The following SLC25A53 variants were observed in gnomAD, a reference collection of about 807,000 sequenced individuals.
SLC25A53 encodes the protein solute carrier family 25 member 53.
In SLC25A53, 5 loss-of-function variants were observed where a neutral mutation model predicts 15.0. That is an observed-to-expected ratio of 0.33 (90% CI 0.17 to 0.70). SLC25A53 has a LOEUF of 0.70. SLC25A53 is among the 30% of genes least tolerant of loss of function. SLC25A53 has a pLI of 0.67. For missense variants in SLC25A53, 216 were observed against 241.6 expected, an observed-to-expected ratio of 0.89 and a Z score of 0.70; for synonymous variants, 95 against 100.0, an observed-to-expected ratio of 0.95 and a Z score of 0.30.
intron 1 of SLC25A53, among the ~76,000 whole-genome samples, chrX:104,106,065 T>C (rs1330489385): frequency 7.2e-5 from 8 of 111,865 alleles, no homozygotes; most frequent in Non-Finnish European, 1.5e-4. Context: ...TTCGGCTCAC[T>C]GCGTGCCAGT....
intron 1 of SLC25A53, among the ~76,000 whole-genome samples, chrX:104,120,202 C>A (rs1377599390): frequency 8.9e-6 from 1 of 111,787 alleles, no homozygotes; most frequent in Non-Finnish European, 1.9e-5. Flanking sequence ...TCTCCTGGTA[C>A]ATATGTGCAC....
At position 104,102,534 on chromosome X, in the gene SLC25A53, A is replaced by C. The variant is rs191254476; in HGVS notation, c.*1800T>G. ...TTAGCACAAAACTAAATCAATTATTAAAAGAAAGCAAAAACACAGCCCAAA... is the reference window on the plus strand; with the variant it reads ...TTAGCACAAAACTAAATCAATTATTCAAAGAAAGCAAAAACACAGCCCAAA... On this transcript the variant is annotated 3_prime_UTR_variant, in exon 2 of 2. Coordinates refer to ENST00000594199, the MANE Select transcript of SLC25A53 (RefSeq NM_001012755.5). 5 of 112,218 alleles carry C rather than the reference A, an allele frequency of 4.5e-5. No individual in the cohort carries two copies. Among genetic ancestry groups the C allele is most frequent in the African/African-American group, 1.6e-4 (5 of 30,871 alleles). 9.2% of individuals were successfully genotyped at this position (112,218 alleles called of 1,213,427 possible). A position where few individuals can be genotyped will look rare whatever the true frequency, so the allele number is the denominator to read the frequency against.
intron 1 of SLC25A53, among the ~76,000 whole-genome samples, chrX:104,154,104 T>C (rs1476284646): frequency 1.8e-5 from 2 of 112,277 alleles, no homozygotes; most frequent in Non-Finnish European, 3.8e-5. Context: ...TAATAAGGTG[T>C]TAATGTCCAA....
intron 1 of SLC25A53, among the ~76,000 whole-genome samples, chrX:104,137,534 T>A (rs782814780): frequency 1.8e-5 from 2 of 111,241 alleles, no homozygotes; most frequent in African/African-American, 3.3e-5. Context: ...TGGGCCTAAA[T>A]GTAAAATAAA....
At position 104,148,948 on chromosome X, in the gene SLC25A53, T is replaced by C. The variant is rs782025796; in HGVS notation, c.-32+7930A>G. Among the ~76,000 whole-genome samples the C allele has an allele frequency of 4.4e-5, 5 of 112,751 alleles. No individual in the cohort carries two copies. The South Asian group carries it at 1.5e-3, about 33-fold the overall frequency. ...ACTTCTGTTAGTTTTAATCAAGATG[T>C]TCAGTTAAAAAATAAATAGTTCAAG... is the stretch of plus-strand genomic sequence containing the variant. On this transcript the variant is annotated intron_variant, in intron 1 of 1. Transcript: ENST00000594199.
At chrX:104,117,639 C>T (rs2075381782) in intron 1 of SLC25A53, among the ~76,000 whole-genome samples, 1 of 110,583 alleles carries the variant, frequency 9.0e-6, no homozygotes, top group African/African-American at 3.3e-5. Context: ...CCCCCAAAGC[C>T]ACAGGGTCCC....
chrX:104,117,926 T>C (rs1556361848), intron 1 of SLC25A53, among the ~76,000 whole-genome samples: 1 of 111,503 alleles, frequency 9.0e-6, no homozygotes, highest in African/African-American at 3.3e-5. Context: ...TTCAAGATCA[T>C]TACTTTGAAA....
At chrX:104,123,780 T>A (rs782382935) in intron 1 of SLC25A53, among the ~76,000 whole-genome samples, 16 of 110,974 alleles carry the variant, frequency 1.4e-4, no homozygotes, top group African/African-American at 4.6e-4. Context: ...TTCTCATTGT[T>A]CAATTCCCAC....
intron 1 of SLC25A53, among the ~76,000 whole-genome samples, chrX:104,136,257 C>A (rs928510350): frequency 9.0e-6 from 1 of 111,155 alleles, no homozygotes; most frequent in South Asian, 3.8e-4. Flanking sequence ...CAAAAGATGT[C>A]AGTTTTGCTT....
chrX:104,136,913 T>C (rs910927547), intron 1 of SLC25A53, among the ~76,000 whole-genome samples: 1 of 111,907 alleles, frequency 8.9e-6, no homozygotes, highest in Admixed American at 9.5e-5. Context: ...CAGTTGACCA[T>C]GTAAAGAATT....
chrX:104,135,999 A>G (rs781942982), intron 1 of SLC25A53, among the ~76,000 whole-genome samples: 1 of 111,495 alleles, frequency 9.0e-6, no homozygotes, highest in East Asian at 2.8e-4. Flanking sequence ...TGTATCTCCA[A>G]TATCTGATAC....
rs1328153501 is a variant in SLC25A53, at chrX:104,104,077, A to C, written c.*257T>G. 4 of 351,190 alleles carry C rather than the reference A, an allele frequency of 1.1e-5. No individual in the cohort carries two copies. The highest frequency in any genetic ancestry group is 2.0e-5 in the Non-Finnish European group (4 of 200,833). The allele number at this position is 351,190 out of a possible 1,213,427, so 28.9% of individuals were successfully genotyped here. The stretch of plus-strand genomic sequence containing the variant: ...AGGAATGACACTTAATCTGGGTTAC[A>C]TGTTATTTAAAGGCCTCCTGGCTCT... On this transcript the variant is annotated 3_prime_UTR_variant, in exon 2 of 2. Coordinates refer to ENST00000594199, the MANE Select transcript of SLC25A53 (RefSeq NM_001012755.5).
At chrX:104,109,605 T>C (rs1214520447) in intron 1 of SLC25A53, among the ~76,000 whole-genome samples, 2 of 112,426 alleles carry the variant, frequency 1.8e-5, no homozygotes, top group African/African-American at 6.5e-5. Context: ...GAATGCATTT[T>C]GGACTGCTTG....
intron 1 of SLC25A53, among the ~76,000 whole-genome samples, chrX:104,122,934 AAGT>A (rs1453701519): frequency 8.9e-6 from 1 of 112,080 alleles, no homozygotes; most frequent in African/African-American, 3.2e-5. Context: ...AACTTGGGCA[AAGT>A]AGTTAACTTC....
At chrX:104,153,610 C>T (rs1602507599) in intron 1 of SLC25A53, among the ~76,000 whole-genome samples, 1 of 111,888 alleles carries the variant, frequency 8.9e-6, no homozygotes, top group East Asian at 2.8e-4. Context: ...ATTAGGAACA[C>T]TTCATTTTTC....
intron 1 of SLC25A53, among the ~76,000 whole-genome samples, chrX:104,138,573 C>T (rs782750800): frequency 3.5e-5 from 4 of 112,684 alleles, no homozygotes; most frequent in African/African-American, 1.3e-4. Context: ...TAGCTCAATT[C>T]GACCCCTGCC....
At chrX:104,135,815 T>C (rs2075435240) in intron 1 of SLC25A53, among the ~76,000 whole-genome samples, 1 of 112,245 alleles carries the variant, frequency 8.9e-6, no homozygotes, top group South Asian at 3.7e-4. Flanking sequence ...CTATGCTAAG[T>C]ATGAGGAATG....
chrX:104,121,281 C>T (rs1360821396), intron 1 of SLC25A53, among the ~76,000 whole-genome samples: 1 of 112,139 alleles, frequency 8.9e-6, no homozygotes, highest in African/African-American at 3.2e-5. Context: ...GCATTAAATC[C>T]AATTATTTAC....
intron 1 of SLC25A53, among the ~76,000 whole-genome samples, chrX:104,134,362 C>T (rs1012593849): frequency 2.6e-4 from 29 of 111,196 alleles, no homozygotes; most frequent in African/African-American, 9.5e-4. Flanking sequence ...ACGGTGGAGA[C>T]GATAGGACAG....
Sources: allele counts gnomAD v4.1 joint callset (sites outside exome capture counted in the v4.1 genomes callset), GRCh38; gene constraint gnomAD v4.1.1; transcripts MANE v1.5; gene names NCBI Gene and HGNC (gene_info 2026-07-23, HGNC 2026-07-21).